The following MAPK10 variants were observed in gnomAD, a reference collection of about 807,000 sequenced individuals.
The protein encoded by MAPK10 is mitogen-activated protein kinase 10.
In MAPK10, 25 loss-of-function variants were observed where a neutral mutation model predicts 59.3. The observed-to-expected ratio is 0.42, with a 90% CI of 0.31 to 0.59. The LOEUF (loss-of-function observed/expected upper bound fraction) is 0.59. Among genes scored for constraint, MAPK10 ranks in the 20% least tolerant of loss-of-function variants. The pLI is 0.15. For synonymous variants in MAPK10, 190 were observed against 200.5 expected, an observed-to-expected ratio of 0.95 and a Z score of 0.44; for missense variants, 351 against 568.9, an observed-to-expected ratio of 0.62 and a Z score of 3.90.
intron 4 of MAPK10, among the ~76,000 whole-genome samples, chr4:86,144,638 G>A (rs978294438): frequency 6.6e-6 from 1 of 151,988 alleles, no homozygotes; most frequent in African/African-American, 2.4e-5. Context: ...TAGCAAGGTG[G>A]CAGCTGTATA....
At chr4:86,459,871 TACTC>T (rs1475511832) in intron 1 of MAPK10, among the ~76,000 whole-genome samples, 1 of 152,016 alleles carries the variant, frequency 6.6e-6, no homozygotes, top group African/African-American at 2.4e-5. Flanking sequence ...CCGAAGAACT[TACTC>T]ATGTAACCAA....
At chr4:86,315,920 GTA>G (rs1441213351) in intron 2 of MAPK10, among the ~76,000 whole-genome samples, 1 of 152,068 alleles carries the variant, frequency 6.6e-6, no homozygotes, top group Non-Finnish European at 1.5e-5. Flanking sequence ...ACAAAATAAA[GTA>G]TTACTTTCTT....
chr4:86,194,913 G>T (rs112562552), intron 2 of MAPK10, among the ~76,000 whole-genome samples: 2,611 of 151,908 alleles, frequency 0.017, 98 homozygotes, highest in African/African-American at 0.059. Flanking sequence ...AAAGCAGTTT[G>T]TAACAGATAT....
chr4:86,121,068 C>T (rs1466732137), intron 4 of MAPK10, among the ~76,000 whole-genome samples: 1 of 152,184 alleles, frequency 6.6e-6, no homozygotes, highest in Non-Finnish European at 1.5e-5. Flanking sequence ...TCCTAAAGGA[C>T]CATCAGCATC....
intron 2 of MAPK10, among the ~76,000 whole-genome samples, chr4:86,207,868 G>A (rs563708655): frequency 6.6e-6 from 1 of 151,210 alleles, no homozygotes; most frequent in East Asian, 1.9e-4. Context: ...TCGTGTATAA[G>A]AATGCTTGTG....
At chr4:86,438,707 A>AC (rs938407309) in intron 1 of MAPK10, among the ~76,000 whole-genome samples, 7 of 151,608 alleles carry the variant, frequency 4.6e-5, no homozygotes, top group African/African-American at 1.5e-4. Flanking sequence ...AAAAAAAAAA[A>AC]CATGCAAGGA....
chr4:86,556,341 G>C (rs1760265724), intron 1 of MAPK10, among the ~76,000 whole-genome samples: 1 of 152,048 alleles, frequency 6.6e-6, no homozygotes, highest in Non-Finnish European at 1.5e-5. Flanking sequence ...AAAACATTCT[G>C]AATACATCTT....
intron 1 of MAPK10, among the ~76,000 whole-genome samples, chr4:86,432,086 T>A (rs1479683574): frequency 6.6e-6 from 1 of 152,130 alleles, no homozygotes; most frequent in African/African-American, 2.4e-5. Flanking sequence ...CTGATTTCTG[T>A]GTAGCCCCTA....
intron 2 of MAPK10, among the ~76,000 whole-genome samples, chr4:86,225,409 T>C (rs958051253): frequency 1.3e-5 from 2 of 152,166 alleles, no homozygotes; most frequent in Admixed American, 1.3e-4. Context: ...TCACAATCTG[T>C]TGCTGTAGGA....
At chr4:86,555,830 A>G (rs1052847655) in intron 1 of MAPK10, among the ~76,000 whole-genome samples, 9 of 152,214 alleles carry the variant, frequency 5.9e-5, no homozygotes, top group South Asian at 2.1e-4. Context: ...AGGAGCACCT[A>G]TGATTTGTTC....
chr4:86,485,990 G>A (rs1229246823), intron 1 of MAPK10, among the ~76,000 whole-genome samples: 1 of 152,220 alleles, frequency 6.6e-6, no homozygotes, highest in Non-Finnish European at 1.5e-5. Flanking sequence ...AAGCCCTCCA[G>A]TCTGTGGTAT....
intron 2 of MAPK10, among the ~76,000 whole-genome samples, chr4:86,302,617 C>A (rs1013922684): frequency 4.6e-5 from 7 of 152,124 alleles, no homozygotes; most frequent in African/African-American, 1.7e-4. Flanking sequence ...TGTAAGTGAC[C>A]TATTTAGGGA....
chr4:86,166,757 A>C (rs1035666864), intron 3 of MAPK10, among the ~76,000 whole-genome samples: 1 of 152,188 alleles, frequency 6.6e-6, no homozygotes, highest in Non-Finnish European at 1.5e-5. Context: ...TATATACAGA[A>C]ATGCCAGCTG....
chr4:86,556,203 C>A (rs1417891380), intron 1 of MAPK10, among the ~76,000 whole-genome samples: 2 of 152,106 alleles, frequency 1.3e-5, no homozygotes, highest in Non-Finnish European at 2.9e-5. Context: ...TTTAATGGAA[C>A]CTGTTCTGTA....
intron 2 of MAPK10, among the ~76,000 whole-genome samples, chr4:86,205,906 T>C (rs2083740903): frequency 6.6e-6 from 1 of 151,974 alleles, no homozygotes; most frequent in Non-Finnish European, 1.5e-5. Flanking sequence ...CTCTCAGATT[T>C]AATAAAATAT....
chr4:86,335,401 T>C (rs762381969), intron 2 of MAPK10, among the ~76,000 whole-genome samples: 2 of 152,236 alleles, frequency 1.3e-5, no homozygotes, highest in Non-Finnish European at 1.5e-5. Flanking sequence ...AAAATCTGTC[T>C]GTAATGATTC....
At chr4:86,285,449 T>C (rs1270417603) in intron 2 of MAPK10, among the ~76,000 whole-genome samples, 1 of 152,066 alleles carries the variant, frequency 6.6e-6, no homozygotes, top group Non-Finnish European at 1.5e-5. Context: ...ACTCTTGACC[T>C]CGTGATCCAC....
At chr4:86,510,816 T>C (rs866314318) in intron 1 of MAPK10, among the ~76,000 whole-genome samples, 1 of 152,116 alleles carries the variant, frequency 6.6e-6, no homozygotes, top group African/African-American at 2.4e-5. Flanking sequence ...TTCTCATTCA[T>C]ATACGAAAGC....
At chr4:86,079,096 T>C (rs905959606) in intron 9 of MAPK10, among the ~76,000 whole-genome samples, 1 of 152,326 alleles carries the variant, frequency 6.6e-6, no homozygotes, top group South Asian at 2.1e-4. Context: ...ACAGGAAATA[T>C]GAATAAGTGA....
Sources: allele counts gnomAD v4.1 joint callset (sites outside exome capture counted in the v4.1 genomes callset), GRCh38; gene constraint gnomAD v4.1.1; transcripts MANE v1.5; gene names NCBI Gene and HGNC (gene_info 2026-07-23, HGNC 2026-07-21).